Variants in LUM observed in about 807,000 individuals in gnomAD.
The protein encoded by LUM is KSPG lumican.
A neutral mutation model predicts 20.5 loss-of-function variants in LUM; 13 were observed. That is an observed-to-expected ratio of 0.63 (90% CI 0.41 to 1.01). The LOEUF (loss-of-function observed/expected upper bound fraction) is 1.01. LUM is among the 50% of genes least tolerant of loss of function. The pLI is 0.00. For synonymous variants in LUM, 173 were observed against 151.5 expected (o/e 1.14, Z -1.04); for missense variants, 321 against 391.1 (o/e 0.82, Z 1.51).
chr12:91,107,250 A>AG (rs1313727097), intron 2 of LUM, among the ~76,000 whole-genome samples: 1,873 of 39,300 alleles, frequency 0.048, 27 homozygotes, highest in African/African-American at 0.058. Context: ...AAAGAAAGAA[A>AG]GAAAGAAAGA....
At chr12:91,107,712 T>C (rs1188989702) in intron 2 of LUM, among the ~76,000 whole-genome samples, 1 of 150,222 alleles carries the variant, frequency 6.7e-6, no homozygotes, top group Non-Finnish European at 1.5e-5. Context: ...AGGGATATTT[T>C]GTGGACATTT....
At chr12:91,105,197 A>G (rs1297803198) in intron 2 of LUM, among the ~76,000 whole-genome samples, 1 of 152,148 alleles carries the variant, frequency 6.6e-6, no homozygotes, top group Non-Finnish European at 1.5e-5. Context: ...GAAAGTGAGG[A>G]AAAATGGAAA....
In LUM at chr12:91,104,278, A is replaced by T. The variant is rs1260681091; in HGVS notation, c.904T>A (p.Ser302Thr). 2 of 1,612,732 alleles carry T rather than the reference A, an allele frequency of 1.2e-6. No individual in the cohort carries two copies. Among genetic ancestry groups the T allele is most frequent in the South Asian group, 1.1e-5 (1 of 90,870 alleles). The change falls in exon 3 of 3, where the codon TCC (serine) becomes ACC (threonine). Residue 302 changes from serine to threonine, a missense_variant. By Grantham distance (58) the Ser-to-Thr change is moderately conservative. Transcript: ENST00000266718. ...CGCAAATGCTTGATCTTGGAGTAGG[A>T]TAATGGCCCCAGGATCTTGCAGAAG... ...KSFCKILGPLSYSKIKHLRLD... is the reference protein window; with the variant it reads ...KSFCKILGPLTYSKIKHLRLD...
rs1407365581 is a variant in LUM, at chr12:91,103,424, G to A, written c.*741C>T. 1 of 152,012 alleles carries A rather than the reference G, an allele frequency of 6.6e-6. No homozygotes were observed. Among genetic ancestry groups the A allele is most frequent in the Non-Finnish European group, 1.5e-5 (1 of 67,934 alleles). 9.4% of individuals were successfully genotyped at this position (152,012 alleles called of 1,614,324 possible). On this transcript the variant is annotated 3_prime_UTR_variant, in exon 3 of 3. Coordinates refer to ENST00000266718, the MANE Select transcript of LUM (RefSeq NM_002345.4). ...GCTAGAAGTAGACAAATTATTTAGT[G>A]GAAAATCCTATGTTCACATCAGTAA...
rs1879973761 is a variant in LUM, at chr12:91,104,087, C to G, written c.*78G>C. 1 of 1,138,544 alleles carries G rather than the reference C, an allele frequency of 8.8e-7. No homozygotes were observed. Among genetic ancestry groups the G allele is most frequent in the East Asian group, 2.4e-5 (1 of 41,410 alleles). 70.5% of individuals were successfully genotyped at this position (1,138,544 alleles called of 1,614,324 possible). A position where few individuals can be genotyped will look rare whatever the true frequency, so the allele number is the denominator to read the frequency against. ...TTTTAAAATTCATGGAAGTAATAAA[C>G]AGTAATAAAATATGGATACTATGAA... On this transcript the variant is annotated 3_prime_UTR_variant, in exon 3 of 3. Transcript: ENST00000266718.
intron 2 of LUM, among the ~76,000 whole-genome samples, chr12:91,107,295 A>AAGAAAG (rs1880090510): frequency 2.5e-5 from 3 of 121,592 alleles, no homozygotes; most frequent in African/African-American, 6.5e-5. Context: ...AAGAGAAAGA[A>AAGAAAG]AGAAAGAAAG....
chr12:91,107,297 GAA>G lies in LUM; in HGVS notation c.862+819_862+820del, dbSNP rs550879115. 1.7e-3 allele frequency among the ~76,000 whole-genome samples: 180 copies of G among 104,240 alleles called. 1 individual carries two copies. The highest frequency in any genetic ancestry group is 9.4e-3 in the Middle Eastern group (2 of 212). 68.4% of individuals were successfully genotyped at this position (104,240 alleles called of 152,430 possible). The stretch of plus-strand genomic sequence containing the variant: ...AAAGAAAGAAAGAAAGAGAAAGAAA[GAA>G]AGAAAGAAAGAAAGAAAGAAAGAAA... On this transcript the variant is annotated intron_variant, in intron 2 of 2. Transcript: ENST00000266718.
At chr12:91,105,796 A>C (rs914898715) in intron 2 of LUM, among the ~76,000 whole-genome samples, 1 of 152,172 alleles carries the variant, frequency 6.6e-6, no homozygotes, top group Non-Finnish European at 1.5e-5. Context: ...TCCTTTACTC[A>C]TGCAATGTAT....
Position 91,104,164 on chromosome 12 carries a change from A to G in LUM, c.*1T>C. ...TAAAATATTGTTCCAGGATACAGAT[A>G]TTAATTAAGAGTGACTTCGTTAGCA... On this transcript the variant is annotated 3_prime_UTR_variant, in exon 3 of 3. Transcript: ENST00000266718. 6.2e-7 allele frequency: 1 copy of G among 1,609,918 alleles called. No homozygotes were observed. Among genetic ancestry groups the G allele is most frequent in the Non-Finnish European group, 8.5e-7 (1 of 1,176,728 alleles).
rs1470450076 is a variant in LUM, at chr12:91,105,205, AAAG to A, written c.863-889_863-887del. On this transcript the variant is annotated intron_variant, in intron 2 of 2. Coordinates refer to ENST00000266718, the MANE Select transcript of LUM (RefSeq NM_002345.4). ...CATTTGAGAAAGTGAGGAAAAATGG[AAAG>A]AAGATGGGCATAGTCCCATCTTGGA... is the stretch of plus-strand genomic sequence containing the variant. 2.6e-5 allele frequency among the ~76,000 whole-genome samples: 4 copies of A among 152,178 alleles called. No homozygotes were observed. In the East Asian group the frequency reaches 7.7e-4, roughly 29 times the overall value.
chr12:91,109,364 A>G (rs756612750), intron 1 of LUM, among the ~76,000 whole-genome samples: 8 of 152,256 alleles, frequency 5.3e-5, no homozygotes, highest in Admixed American at 1.3e-4. Context: ...TCATCTCTCA[A>G]AAAAAGAGAA....
chr12:91,103,579 C>T lies in LUM; in HGVS notation c.*586G>A, dbSNP rs1879959340. 1 of 152,018 alleles carries T rather than the reference C, an allele frequency of 6.6e-6. No homozygotes were observed. Among genetic ancestry groups the T allele is most frequent in the Admixed American group, 6.6e-5 (1 of 15,250 alleles). 9.4% of individuals were successfully genotyped at this position (152,018 alleles called of 1,614,324 possible). ...TTGCTATGTTTTATTTTGCTAGTAG[C>T]TTATTAAACATAACATGCAAATAAT... On this transcript the variant is annotated 3_prime_UTR_variant, in exon 3 of 3. Coordinates refer to ENST00000266718, the MANE Select transcript of LUM (RefSeq NM_002345.4).
chr12:91,104,162 A>G lies in LUM; in HGVS notation c.*3T>C, dbSNP rs953238748. On this transcript the variant is annotated 3_prime_UTR_variant, in exon 3 of 3. Coordinates refer to ENST00000266718, the MANE Select transcript of LUM (RefSeq NM_002345.4). ...CATAAAATATTGTTCCAGGATACAG[A>G]TATTAATTAAGAGTGACTTCGTTAG... 18 of 1,609,216 alleles carry G rather than the reference A, an allele frequency of 1.1e-5. No individual in the cohort carries two copies. The highest frequency in any genetic ancestry group is 1.4e-5 in the Non-Finnish European group (17 of 1,176,276).
chr12:91,103,763 C>G lies in LUM; in HGVS notation c.*402G>C, dbSNP rs1474817867. On this transcript the variant is annotated 3_prime_UTR_variant, in exon 3 of 3. Transcript: ENST00000266718. ...TCAATATCTACCACCTATTTTTTAA[C>G]CAGACAAATTTGAATGTATCAAGAT... 1 of 155,728 alleles carries G rather than the reference C, an allele frequency of 6.4e-6. No individual in the cohort carries two copies. Among genetic ancestry groups the G allele is most frequent in the Non-Finnish European group, 1.4e-5 (1 of 70,518 alleles). 9.6% of individuals were successfully genotyped at this position (155,728 alleles called of 1,614,324 possible).
At position 91,108,968 on chromosome 12, in the gene LUM, A is replaced by G; in HGVS notation, c.12T>C (p.Ser4=). The G allele has an allele frequency of 1.2e-6, 2 of 1,612,498 alleles. No individual in the cohort carries two copies. The highest frequency in any genetic ancestry group is 1.7e-6 in the Non-Finnish European group (2 of 1,179,120). ...TCAATGCCAGGAAGAGAGTAAATGCACTTAGACTCATTTTTGGCAAATGGT... is the reference window on the plus strand; with the variant it reads ...TCAATGCCAGGAAGAGAGTAAATGCGCTTAGACTCATTTTTGGCAAATGGT... MSL[S]AFTLFLALIG... Residue 4 remains serine (S), a synonymous_variant, in exon 2 of 3, where the codon AGT becomes AGC. Transcript: ENST00000266718. The surrounding 1 kb of genome is among the most constrained non-coding windows in gnomAD (Gnocchi z 4.2).
chr12:91,107,271 GAA>G (rs770252814), intron 2 of LUM, among the ~76,000 whole-genome samples: 2,643 of 73,852 alleles, frequency 0.036, 33 homozygotes, highest in African/African-American at 0.064. Context: ...AAGAAAGAAA[GAA>G]AGAAAGAAAG....
chr12:91,104,341 A>ACAT (rs772498826), intron 2 of LUM, 22 bp from the exon 3 acceptor site: 2 of 1,581,876 alleles, frequency 1.3e-6, no homozygotes, highest in Non-Finnish European at 1.7e-6. Context: ...AGAATAGAAA[A>ACAT]CATTAATCAT....
At position 91,108,740 on chromosome 12, in the gene LUM, A is replaced by G. The variant is rs1880135378; in HGVS notation, c.240T>C (p.His80=). The G allele has an allele frequency of 1.9e-6, 3 of 1,614,046 alleles. No individual in the cohort carries two copies. The highest frequency in any genetic ancestry group is 2.2e-5 in the East Asian group (1 of 44,866). ...CATTCTCAAAGGCCTTTTCATCAAT[A>G]TGGTCAATCTGGTTATTCCTAAGGT... ...YLYLRNNQID[H]IDEKAFENVT... Residue 80 remains histidine (H), a synonymous_variant, in exon 2 of 3, where the codon CAT becomes CAC. Coordinates refer to ENST00000266718, the MANE Select transcript of LUM (RefSeq NM_002345.4). This position sits in a 1 kb window ranked among gnomAD's most constrained non-coding sequence, Gnocchi z 4.2.
chr12:91,108,057 T>C lies in LUM; in HGVS notation c.862+61A>G. 1 of 1,559,690 alleles carries C rather than the reference T, an allele frequency of 6.4e-7. No individual in the cohort carries two copies. The highest frequency in any genetic ancestry group is 8.8e-7 in the Non-Finnish European group (1 of 1,131,170). ...GGAGCCAGATGCAATATCTGTGTTG[T>C]GCAGCCCAGGTATTTAAACACTTGA... On this transcript the variant is annotated intron_variant, in intron 2 of 2. Transcript: ENST00000266718. This position sits in a 1 kb window ranked among gnomAD's most constrained non-coding sequence, Gnocchi z 4.2.
Sources: gnomAD v4.1 joint callset for allele counts (sites outside exome capture counted in the v4.1 genomes callset) on GRCh38, gnomAD v4.1.1 for gene constraint, Gnocchi (gnomAD v3.1) non-coding constraint, MANE v1.5 for transcripts, NCBI Gene and HGNC (gene_info 2026-07-23, HGNC 2026-07-21) for gene names.